CCDC14: variants seen among roughly 807,000 people sequenced by gnomAD.
CCDC14 encodes the protein coiled-coil domain containing 14.
Under a neutral mutation model 81.4 loss-of-function variants are expected in CCDC14, and 71 were observed. The ratio of observed to expected loss-of-function variants is 0.87; its 90% CI spans 0.72 to 1.06. CCDC14 has a LOEUF of 1.06. Ranked by LOEUF, CCDC14 falls within the 50% of genes least tolerant of loss-of-function variation. CCDC14 has a pLI of 0.00. For synonymous variants in CCDC14, 332 were observed against 364.8 expected, an observed-to-expected ratio of 0.91 and a Z score of 1.03; for missense variants, 1,046 against 1,047.3, an observed-to-expected ratio of 1.00 and a Z score of 0.02.
At chr3:123,929,106 G>A (rs891233716) in intron 12 of CCDC14, among the ~76,000 whole-genome samples, 1 of 152,050 alleles carries the variant, frequency 6.6e-6, no homozygotes, top group Non-Finnish European at 1.5e-5. Context: ...TACATCCTCC[G>A]CTTCATCGGA....
At chr3:123,934,306 GA>G (rs1431890885) in intron 9 of CCDC14, among the ~76,000 whole-genome samples, 1 of 143,350 alleles carries the variant, frequency 7.0e-6, no homozygotes. Context: ...CCCTCATGAG[GA>G]AAGTGTTAAT....
chr3:123,955,458 G>T (rs756475051), intron 5 of CCDC14: 1 of 149,754 alleles, frequency 6.7e-6, no homozygotes, highest in Non-Finnish European at 1.5e-5. Context: ...ACCAACTTAG[G>T]ATATATATAT....
chr3:123,926,941 G>A (rs975888028), intron 12 of CCDC14, among the ~76,000 whole-genome samples: 1 of 152,182 alleles, frequency 6.6e-6, no homozygotes, highest in East Asian at 1.9e-4. Flanking sequence ...GGATGCTGGT[G>A]CTTTACACTC....
At chr3:123,899,254 C>G (rs2148756533) in intron 5 of CCDC14, among the ~76,000 whole-genome samples, 1 of 152,236 alleles carries the variant, frequency 6.6e-6, no homozygotes, top group Admixed American at 6.5e-5. Flanking sequence ...CTTAAGTTGT[C>G]CTTGATAACT....
Position 123,914,662 on chromosome 3 carries a change from CAATAT to C in CCDC14, c.*112_*116del. On this transcript the variant is annotated 3_prime_UTR_variant, in exon 13 of 13. Transcript: ENST00000409697. ...CTCAACAATACATTTATTACTTGTA[CAATAT>C]ATTACTTCACACATAATAACATAAA... The C allele has an allele frequency of 1.4e-6, 2 of 1,409,358 alleles. No homozygotes were observed. Among genetic ancestry groups the C allele is most frequent in the South Asian group, 1.7e-5 (1 of 58,692 alleles). The allele number at this position is 1,409,358 out of a possible 1,614,324, so 87.3% of individuals were successfully genotyped here. A position where few individuals can be genotyped will look rare whatever the true frequency, so the allele number is the denominator to read the frequency against.
Position 123,961,214 on chromosome 3 carries a change from G to T in CCDC14, c.-41C>A. The T allele has an allele frequency of 6.4e-7, 1 of 1,551,600 alleles. No homozygotes were observed. The highest frequency in any genetic ancestry group is 8.7e-7 in the Non-Finnish European group (1 of 1,146,998). ...AGAAGCCCAGACCGAGGGAAGTGAAGCCTCACGGTAAAAAGAATTAACCGC... is the reference window on the plus strand; with the variant it reads ...AGAAGCCCAGACCGAGGGAAGTGAATCCTCACGGTAAAAAGAATTAACCGC... On this transcript the variant is annotated 5_prime_UTR_variant, in exon 1 of 13. Transcript: ENST00000409697.
intron 10 of CCDC14, chr3:123,933,435 G>A: frequency 2.1e-6 from 1 of 487,454 alleles, no homozygotes. Flanking sequence ...TTCAGTAAGT[G>A]TTAAATAAAT....
Position 123,902,336 on chromosome 3 carries a change from T to A in CCDC14, c.668-4723A>T, listed in dbSNP as rs59483255. Among the ~76,000 whole-genome samples, 1,277 of 152,340 alleles carry A rather than the reference T, an allele frequency of 8.4e-3. 13 individuals carry two copies. The highest frequency in any genetic ancestry group is 0.027 in the African/African-American group (1,141 of 41,582). ...GACTGTCACCATTCTGCAATCCTAA[T>A]GAACAAATAGATCTGGGTACTGAGC... is the stretch of plus-strand genomic sequence containing the variant. On this transcript the variant is annotated intron_variant, in intron 5 of 5. Transcript: ENST00000479903.
At chr3:123,926,551 T>A (rs1344949900) in intron 12 of CCDC14, among the ~76,000 whole-genome samples, 1 of 145,516 alleles carries the variant, frequency 6.9e-6, no homozygotes, top group African/African-American at 2.5e-5. Context: ...TATATATTTT[T>A]AAATATAAAT....
intron 10 of CCDC14, among the ~76,000 whole-genome samples, chr3:123,932,205 A>G (rs2035773631): frequency 6.6e-6 from 1 of 152,222 alleles, no homozygotes; most frequent in South Asian, 2.1e-4. Context: ...AAGTAATTAT[A>G]CACAGTAATG....
chr3:123,907,467 G>A (rs536738049), intron 5 of CCDC14, among the ~76,000 whole-genome samples: 1 of 151,960 alleles, frequency 6.6e-6, no homozygotes, highest in South Asian at 2.1e-4. Context: ...CAGCACATTG[G>A]GAGGCCAAGG....
At position 123,915,676 on chromosome 3, in the gene CCDC14, A is replaced by G. The variant is rs111934942; in HGVS notation, c.1821T>C (p.Ser607=). ...TSMAKLLSDL[S]VDSARCKPGN... is the part of the protein sequence containing the mutation. ...CAGGCTTGCAGCGAGCACTGTCCAC[A>G]CTAAGATCGGAGAGAAGCTTTGCCA... Residue 607 remains serine (S), a synonymous_variant, in exon 13 of 13, where the codon AGT becomes AGC. Transcript: ENST00000409697. 6.2e-7 allele frequency: 1 copy of G among 1,613,598 alleles called. No individual in the cohort carries two copies. Among genetic ancestry groups the G allele is most frequent in the African/African-American group, 1.3e-5 (1 of 75,034 alleles).
intron 5 of CCDC14, among the ~76,000 whole-genome samples, chr3:123,903,973 G>C (rs1178351274): frequency 1.3e-5 from 2 of 152,174 alleles, no homozygotes; most frequent in Non-Finnish European, 2.9e-5. Context: ...GCCCAGCCTA[G>C]AGCCTGCTAC....
At chr3:123,952,623 T>C (rs780770814) in intron 5 of CCDC14, 41 of 530,326 alleles carry the variant, frequency 7.7e-5, no homozygotes, top group East Asian at 1.1e-4. Flanking sequence ...AGTGATCAGG[T>C]AGGCATTCAA....
At chr3:123,933,779 G>A (rs368333717) in intron 9 of CCDC14, 24 bp from the exon 10 acceptor site, 267 of 1,504,326 alleles carry the variant, frequency 1.8e-4, no homozygotes, top group Non-Finnish European at 2.2e-4. Context: ...GAAGAACTAT[G>A]AATGCAAGCA....
intron 5 of CCDC14, among the ~76,000 whole-genome samples, chr3:123,902,801 C>T (rs370831103): frequency 2.6e-5 from 4 of 151,984 alleles, no homozygotes; most frequent in African/African-American, 7.2e-5. Flanking sequence ...TTGTGCTTAT[C>T]TTTTTAAAAA....
chr3:123,903,746 G>A (rs1439792280), intron 5 of CCDC14, among the ~76,000 whole-genome samples: 1 of 152,138 alleles, frequency 6.6e-6, no homozygotes, highest in Admixed American at 6.5e-5. Context: ...TTTAGATTGT[G>A]ATTTAATCTT....
the CCDC14 span, among the ~76,000 whole-genome samples, chr3:123,885,871 A>C: frequency 6.6e-6 from 1 of 152,198 alleles, no homozygotes. Flanking sequence ...GTGGATAAGG[A>C]GATGCTTCCT....
chr3:123,959,801 T>C lies in CCDC14; in HGVS notation c.30+1343A>G, dbSNP rs555053112. ...TCTTTTTTCATATGCATTTTTTACT[T>C]AGTCATAATACCTAGATATTTGCAA... On this transcript the variant is annotated intron_variant, in intron 1 of 12. Transcript: ENST00000409697. Among the ~76,000 whole-genome samples the C allele has an allele frequency of 2.3e-5, 3 of 129,304 alleles. No homozygotes were observed. In the East Asian group the frequency reaches 1.7e-3, roughly 72 times the overall value. 84.8% of individuals were successfully genotyped at this position (129,304 alleles called of 152,430 possible). A position where few individuals can be genotyped will look rare whatever the true frequency, so the allele number is the denominator to read the frequency against.
Sources: allele counts gnomAD v4.1 joint callset (sites outside exome capture counted in the v4.1 genomes callset), GRCh38; gene constraint gnomAD v4.1.1; transcripts MANE v1.5; gene names NCBI Gene and HGNC (gene_info 2026-07-23, HGNC 2026-07-21).